Variants in CDC42 observed in about 807,000 individuals in gnomAD.
The protein encoded by CDC42 is cell division cycle 42.
In CDC42, 1 loss-of-function variant was observed where a neutral mutation model predicts 20.8. The ratio of observed to expected loss-of-function variants is 0.05; its 90% confidence interval spans 0.02 to 0.23. The LOEUF (loss-of-function observed/expected upper bound fraction) is 0.23. CDC42 is among the 10% of genes least tolerant of loss of function. The probability of loss-of-function intolerance (pLI) is 1.00; values close to 1 mark genes in which losing one functional copy is unlikely to be tolerated. For synonymous variants in CDC42, 72 were observed against 84.8 expected (o/e 0.85, Z 0.83); for missense variants, 49 against 227.9 (o/e 0.21, Z 5.05).
chr1:22,054,070 G>T (rs1009412092), intron 1 of CDC42, among the ~76,000 whole-genome samples: 2 of 152,184 alleles, frequency 1.3e-5, no homozygotes, highest in East Asian at 3.9e-4. Flanking sequence ...TTTTTGTGGT[G>T]AAGTTGTGTT....
At chr1:22,053,119 G>A (rs1266549665) in intron 1 of CDC42, among the ~76,000 whole-genome samples, 2 of 151,400 alleles carry the variant, frequency 1.3e-5, no homozygotes, top group African/African-American at 2.4e-5. Context: ...TCCTAAGGGC[G>A]GCCGGGGGCC....
At chr1:22,078,883 TGAC>T in intron 2 of CDC42, 1 of 1,143,388 alleles carries the variant, frequency 8.7e-7, no homozygotes. Flanking sequence ...TGGAATGAGG[TGAC>T]TTTTTTTTTT....
At chr1:22,069,266 C>T (rs922842961) in intron 1 of CDC42, among the ~76,000 whole-genome samples, 14 of 143,288 alleles carry the variant, frequency 9.8e-5, no homozygotes, top group Non-Finnish European at 2.1e-4. Flanking sequence ...ACCTCTGCCT[C>T]CTGGGTTCAA....
intron 1 of CDC42, chr1:22,059,338 T>C (rs2152826513): frequency 6.6e-6 from 1 of 152,154 alleles, no homozygotes; most frequent in East Asian, 1.9e-4. Flanking sequence ...TGAAAACTAA[T>C]TGTGGTGACG....
chr1:22,058,896 C>T (rs1260678389), intron 1 of CDC42, among the ~76,000 whole-genome samples: 1 of 151,986 alleles, frequency 6.6e-6, no homozygotes, highest in Non-Finnish European at 1.5e-5. Flanking sequence ...CTCACTGTAA[C>T]CTTGAACTCC....
At chr1:22,088,946 A>G (rs1257762027) in intron 5 of CDC42, among the ~76,000 whole-genome samples, 1 of 152,132 alleles carries the variant, frequency 6.6e-6, no homozygotes, top group East Asian at 1.9e-4. Context: ...TTTGTGTCTA[A>G]TGTGACATGT....
intron 2 of CDC42, among the ~76,000 whole-genome samples, chr1:22,080,121 ATTG>A (rs1212859284): frequency 1.3e-5 from 2 of 152,164 alleles, no homozygotes; most frequent in Non-Finnish European, 2.9e-5. Flanking sequence ...GACAATATAT[ATTG>A]TCTTACCCAT....
intron 1 of CDC42, among the ~76,000 whole-genome samples, chr1:22,067,998 T>C (rs1036394859): frequency 1.3e-5 from 2 of 152,106 alleles, no homozygotes; most frequent in Admixed American, 1.3e-4. Context: ...GGAGGATCCC[T>C]TGAGCCCAGG....
At chr1:22,061,261 A>G (rs1377189644) in intron 1 of CDC42, among the ~76,000 whole-genome samples, 1 of 151,976 alleles carries the variant, frequency 6.6e-6, no homozygotes, top group Non-Finnish European at 1.5e-5. Context: ...ACAAAAAATT[A>G]GCCAGGTGTG....
intron 2 of CDC42, chr1:22,078,885 A>ATT: frequency 9.4e-7 from 1 of 1,058,420 alleles, no homozygotes; most frequent in Non-Finnish European, 1.2e-6. Context: ...GAATGAGGTG[A>ATT]CTTTTTTTTT....
intron 1 of CDC42, among the ~76,000 whole-genome samples, chr1:22,066,073 T>C (rs1356738345): frequency 6.6e-6 from 1 of 152,162 alleles, no homozygotes; most frequent in Non-Finnish European, 1.5e-5. Flanking sequence ...ATATTACTAC[T>C]TTAGTCAACA....
Position 22,098,374 on chromosome 1 carries a change from A to G in CDC42, c.*6857A>G, listed in dbSNP as rs865817013. On this transcript the variant is annotated 3_prime_UTR_variant, in exon 6 of 6. Transcript: ENST00000656825. Reference sequence around the variant, plus strand: ...AATACTCCTGAGATTCTGAATCTGTAAGTATGCAATGGGACCTGAGAATCA... The same window carrying G: ...AATACTCCTGAGATTCTGAATCTGTGAGTATGCAATGGGACCTGAGAATCA... Among the ~76,000 whole-genome samples, 3 of 152,182 alleles carry G rather than the reference A, an allele frequency of 2.0e-5. No homozygotes were observed. Among genetic ancestry groups the G allele is most frequent in the South Asian group, 2.1e-4 (1 of 4,828 alleles).
chr1:22,091,352 A>C (rs1645713729), intron 5 of CDC42, 76 bp from the exon 6 acceptor site: 1 of 881,708 alleles, frequency 1.1e-6, no homozygotes, highest in African/African-American at 1.7e-5. Context: ...TGGGGGTTTG[A>C]ATGTTTTAAA....
chr1:22,060,610 A>C (rs956374641), intron 1 of CDC42, among the ~76,000 whole-genome samples: 3 of 152,170 alleles, frequency 2.0e-5, no homozygotes, highest in Non-Finnish European at 2.9e-5. Flanking sequence ...TTTTTAATCT[A>C]TATAAAAGCA....
At chr1:22,074,200 C>T (rs1645523778) in intron 1 of CDC42, 1 of 152,266 alleles carries the variant, frequency 6.6e-6, no homozygotes, top group African/African-American at 2.4e-5. Context: ...CCTCAGGCTC[C>T]TGAGTAGCTG....
chr1:22,065,622 T>C (rs749250287), intron 1 of CDC42, among the ~76,000 whole-genome samples: 2 of 152,206 alleles, frequency 1.3e-5, no homozygotes, highest in Admixed American at 6.5e-5. Flanking sequence ...ACCTCATTTC[T>C]CTGTAGTGGT....
At chr1:22,081,624 A>AGG (rs1645608712) in intron 2 of CDC42, 98 bp from the exon 3 acceptor site, 4 of 739,724 alleles carry the variant, frequency 5.4e-6, no homozygotes, top group Admixed American at 4.4e-5. Context: ...GGGACGATTA[A>AGG]GTCTTAGCAA....
Position 22,084,072 on chromosome 1 carries a change from T to C in CDC42, c.178+2278T>C, listed in dbSNP as rs1645634868. ...TTGATGGATGTTTGGGTTCCAGTTT[T>C]AATACTGGTGCTATGAATTGCTTCC... On this transcript the variant is annotated intron_variant, in intron 3 of 5. Transcript: ENST00000656825. 2.6e-5 allele frequency among the ~76,000 whole-genome samples: 4 copies of C among 152,228 alleles called. No individual in the cohort carries two copies. In the South Asian group the frequency reaches 6.2e-4, roughly 24 times the overall value.
chr1:22,094,714 C>T lies in CDC42; in HGVS notation c.*3197C>T, dbSNP rs1025812938. Among the ~76,000 whole-genome samples the T allele has an allele frequency of 6.6e-6, 1 of 152,150 alleles. No homozygotes were observed. The highest frequency in any genetic ancestry group is 2.4e-5 in the African/African-American group (1 of 41,428). On this transcript the variant is annotated 3_prime_UTR_variant, in exon 6 of 6. Transcript: ENST00000656825. Reference sequence around the variant, plus strand: ...TTTAAAAGAACAATTGTAATATTTCCTTCATTCTGAGGTGTATTTTTCTCA... The same window carrying T: ...TTTAAAAGAACAATTGTAATATTTCTTTCATTCTGAGGTGTATTTTTCTCA...
Sources: allele counts gnomAD v4.1 joint callset (sites outside exome capture counted in the v4.1 genomes callset), GRCh38; gene constraint gnomAD v4.1.1; transcripts MANE v1.5; gene names NCBI Gene and HGNC (gene_info 2026-07-23, HGNC 2026-07-21).